SLCO3A1: variants seen among roughly 807,000 people sequenced by gnomAD.
SLCO3A1 encodes solute carrier organic anion transporter family member 3A1.
SLCO3A1 carries 27 observed loss-of-function variants against 63.1 expected under a neutral mutation model. The observed-to-expected ratio is 0.43, with a 90% confidence interval of 0.32 to 0.59. The LOEUF (loss-of-function observed/expected upper bound fraction) is 0.59, where lower values mean the gene tolerates loss of function less well. Ranked by LOEUF, SLCO3A1 falls within the 20% of genes least tolerant of loss-of-function variation. SLCO3A1 has a pLI of 0.09. For synonymous variants in SLCO3A1, 473 were observed against 409.9 expected (o/e 1.15, Z -1.86); for missense variants, 773 against 945.8 (o/e 0.82, Z 2.40).
At chr15:91,973,585 T>A (rs1900969310) in intron 2 of SLCO3A1, among the ~76,000 whole-genome samples, 1 of 152,036 alleles carries the variant, frequency 6.6e-6, no homozygotes, top group Non-Finnish European at 1.5e-5. Context: ...CGAGGGCGAG[T>A]TAGGGCAGAG....
intron 2 of SLCO3A1, among the ~76,000 whole-genome samples, chr15:91,964,957 T>G (rs1437162469): frequency 2.6e-5 from 4 of 152,056 alleles, no homozygotes; most frequent in Admixed American, 2.0e-4. Flanking sequence ...TGGCCAGCAG[T>G]CCTACCTCTA....
At chr15:92,041,014 C>A (rs1475587806) in intron 2 of SLCO3A1, among the ~76,000 whole-genome samples, 3 of 152,076 alleles carry the variant, frequency 2.0e-5, no homozygotes, top group Admixed American at 2.0e-4. Context: ...CCCATCTGAC[C>A]TCAGACTTTC....
At chr15:91,909,779 G>A (rs896449390) in intron 1 of SLCO3A1, among the ~76,000 whole-genome samples, 1 of 152,182 alleles carries the variant, frequency 6.6e-6, no homozygotes, top group African/African-American at 2.4e-5. Context: ...GGACCTTTCG[G>A]CTCCACCTTG....
At chr15:92,122,544 G>C (rs11632723) in intron 5 of SLCO3A1, among the ~76,000 whole-genome samples, 108,099 of 151,990 alleles carry the variant, frequency 0.71, 41,535 homozygotes, top group Non-Finnish European at 0.86. Context: ...TCGCATACTT[G>C]GCCAGTGGGA....
At chr15:92,044,665 C>T (rs2046838660) in intron 2 of SLCO3A1, among the ~76,000 whole-genome samples, 2 of 152,226 alleles carry the variant, frequency 1.3e-5, no homozygotes, top group South Asian at 4.1e-4. Context: ...CTGAGGCAGC[C>T]CACGGAATTG....
chr15:92,092,965 G>T (rs903246079), intron 2 of SLCO3A1, among the ~76,000 whole-genome samples: 1 of 152,224 alleles, frequency 6.6e-6, no homozygotes, highest in African/African-American at 2.4e-5. Context: ...GGAACTTCCA[G>T]ATTTCTTCGC....
intron 2 of SLCO3A1, among the ~76,000 whole-genome samples, chr15:92,073,882 C>A (rs975302971): frequency 6.6e-6 from 1 of 152,246 alleles, no homozygotes; most frequent in Non-Finnish European, 1.5e-5. Context: ...AGAACCTATG[C>A]TCGAGGTCAG....
intron 2 of SLCO3A1, among the ~76,000 whole-genome samples, chr15:91,956,782 CTT>C (rs750285182): frequency 2.9e-4 from 36 of 122,410 alleles, no homozygotes; most frequent in Non-Finnish European, 3.4e-5. Flanking sequence ...GCCTTGCCTT[CTT>C]TTTTTTTTTT....
intron 2 of SLCO3A1, among the ~76,000 whole-genome samples, chr15:91,981,144 G>T (rs1240681098): frequency 6.6e-6 from 1 of 152,160 alleles, no homozygotes; most frequent in Admixed American, 6.5e-5. Context: ...AAAGAGCAGG[G>T]CAGTGGCCAG....
intron 2 of SLCO3A1, among the ~76,000 whole-genome samples, chr15:92,010,474 C>G (rs1253985788): frequency 1.3e-5 from 2 of 152,130 alleles, no homozygotes; most frequent in Non-Finnish European, 2.9e-5. Flanking sequence ...TTATTAACAG[C>G]TCATGCATAT....
intron 2 of SLCO3A1, among the ~76,000 whole-genome samples, chr15:92,087,170 C>T (rs2047415563): frequency 6.6e-6 from 1 of 151,548 alleles, no homozygotes; most frequent in South Asian, 2.1e-4. Context: ...TCCCTCCGCC[C>T]ACCGCCTATA....
At chr15:92,024,566 T>C (rs1234213697) in intron 2 of SLCO3A1, among the ~76,000 whole-genome samples, 4 of 152,242 alleles carry the variant, frequency 2.6e-5, no homozygotes, top group Non-Finnish European at 4.4e-5. Flanking sequence ...GCCTAACAAA[T>C]GTTTGTTGTG....
rs144879959 is a variant in SLCO3A1, at chr15:92,039,488, T to C, written c.647-55393T>C. On this transcript the variant is annotated intron_variant, in intron 2 of 9. Coordinates refer to ENST00000318445, the MANE Select transcript of SLCO3A1 (RefSeq NM_013272.4). The stretch of plus-strand genomic sequence containing the variant: ...AAGAAAAGCTCCATATCACTGATCA[T>C]TAGAGAAACGCAAAACAAAACGACA... 3.3e-3 allele frequency among the ~76,000 whole-genome samples: 501 copies of C among 152,312 alleles called. 5 individuals carry two copies. Among genetic ancestry groups the C allele is most frequent in the African/African-American group, 0.011 (459 of 41,564 alleles).
intron 2 of SLCO3A1, among the ~76,000 whole-genome samples, chr15:92,024,810 T>C (rs8035815): frequency 0.017 from 2,647 of 152,224 alleles, 79 homozygotes; most frequent in African/African-American, 0.061. Flanking sequence ...TTGAATGAAG[T>C]GAAGGAATGC....
At chr15:92,004,291 C>G (rs1261528910) in intron 2 of SLCO3A1, among the ~76,000 whole-genome samples, 4 of 152,226 alleles carry the variant, frequency 2.6e-5, no homozygotes, top group Non-Finnish European at 4.4e-5. Context: ...CCTGCTCAGC[C>G]TCTGCATCCT....
intron 1 of SLCO3A1, among the ~76,000 whole-genome samples, chr15:91,874,656 G>C (rs139968449): frequency 1.0e-3 from 159 of 152,278 alleles, no homozygotes; most frequent in African/African-American, 3.8e-3. Flanking sequence ...GGACACTTCC[G>C]TTGCTTCCAC....
At chr15:92,092,124 T>C (rs1254072502) in intron 2 of SLCO3A1, among the ~76,000 whole-genome samples, 1 of 152,164 alleles carries the variant, frequency 6.6e-6, no homozygotes, top group Non-Finnish European at 1.5e-5. Flanking sequence ...CCAATTGTGC[T>C]ATGATGTCTG....
At chr15:92,037,166 C>T (rs992317208) in intron 2 of SLCO3A1, among the ~76,000 whole-genome samples, 14 of 152,148 alleles carry the variant, frequency 9.2e-5, no homozygotes, top group African/African-American at 3.4e-4. Context: ...GTTTCTCTTG[C>T]TTACAACCAT....
rs1030429999 is a variant in SLCO3A1, at chr15:91,941,433, T to C, written c.646+24975T>C. On this transcript the variant is annotated intron_variant, in intron 2 of 9. Coordinates refer to ENST00000318445, the MANE Select transcript of SLCO3A1 (RefSeq NM_013272.4). This position sits in a 1 kb window ranked among gnomAD's most constrained non-coding sequence, Gnocchi z 4.4. The stretch of plus-strand genomic sequence containing the variant: ...TCACGGGAGTGGCGCTGTCACTCGT[T>C]GAGGTGGTGGCCTGGTTCCTTTGGC... The C allele has an allele frequency of 9.4e-6, 4 of 425,032 alleles. No individual in the cohort carries two copies. The highest frequency in any genetic ancestry group is 1.9e-5 in the Non-Finnish European group (4 of 212,598). 26.3% of individuals were successfully genotyped at this position (425,032 alleles called of 1,614,324 possible). A position where few individuals can be genotyped will look rare whatever the true frequency, so the allele number is the denominator to read the frequency against.
Sources: gnomAD v4.1 joint callset for allele counts (sites outside exome capture counted in the v4.1 genomes callset) on GRCh38, gnomAD v4.1.1 for gene constraint, Gnocchi (gnomAD v3.1) non-coding constraint, MANE v1.5 for transcripts, NCBI Gene and HGNC (gene_info 2026-07-23, HGNC 2026-07-21) for gene names.